Variants in DUSP16 observed in about 807,000 individuals in gnomAD.
DUSP16 encodes the protein dual specificity phosphatase 16.
Under a neutral mutation model 58.3 loss-of-function variants are expected in DUSP16, and 21 were observed. That is an observed-to-expected ratio of 0.36 (90% CI 0.26 to 0.52). DUSP16 has a LOEUF of 0.52. Ranked by LOEUF, DUSP16 falls within the 20% of genes least tolerant of loss-of-function variation. DUSP16 has a pLI of 0.94. For synonymous variants in DUSP16, 320 were observed against 323.8 expected, an observed-to-expected ratio of 0.99 and a Z score of 0.12; for missense variants, 726 against 819.0, an observed-to-expected ratio of 0.89 and a Z score of 1.39.
At chr12:12,555,053 T>C (rs889803629) in intron 1 of DUSP16, among the ~76,000 whole-genome samples, 4 of 152,138 alleles carry the variant, frequency 2.6e-5, no homozygotes, top group African/African-American at 7.2e-5. Flanking sequence ...ATAAACCCAC[T>C]ACAAAATAAG....
Position 12,561,461 on chromosome 12 carries a change from G to A in DUSP16, c.-366+656C>T, listed in dbSNP as rs573725945. 2.8e-4 allele frequency among the ~76,000 whole-genome samples: 42 copies of A among 152,304 alleles called. 1 individual carries two copies. The South Asian group carries it at 8.1e-3, about 29-fold the overall frequency. ...GGTGTTTCATTACATGAAACTACAC[G>A]TGATACACAGACCCTGGGCTTTTTT... is the stretch of plus-strand genomic sequence containing the variant. On this transcript the variant is annotated intron_variant, in intron 1 of 6. Transcript: ENST00000298573.
intron 3 of DUSP16, among the ~76,000 whole-genome samples, chr12:12,506,729 G>A (rs1035815574): frequency 3.3e-5 from 5 of 152,360 alleles, no homozygotes; most frequent in East Asian, 1.9e-4. Flanking sequence ...ACAGGGATGG[G>A]CAGTCCCTGC....
chr12:12,515,406 C>T (rs1433373571), intron 3 of DUSP16, among the ~76,000 whole-genome samples: 1 of 151,484 alleles, frequency 6.6e-6, no homozygotes, highest in East Asian at 1.9e-4. Context: ...TGGCTCACCG[C>T]AACCTCTACC....
At chr12:12,490,288 T>G (rs1943743350) in intron 4 of DUSP16, among the ~76,000 whole-genome samples, 1 of 152,202 alleles carries the variant, frequency 6.6e-6, no homozygotes, top group South Asian at 2.1e-4. Flanking sequence ...TTTATAAAAT[T>G]TTTAGCTTAA....
rs186075815 is a variant in DUSP16 at position 12,484,180 on chromosome 12, T to C, written c.691+2848A>G. On this transcript the variant is annotated intron_variant, in intron 5 of 6. Transcript: ENST00000298573. ...GAGAAGACTTAGCAATTGTAGTGAA[T>C]ATGGGCTGAATTCAAAAAGTGGCCT... is the stretch of plus-strand genomic sequence containing the variant. Among the ~76,000 whole-genome samples the C allele has an allele frequency of 4.1e-3, 628 of 152,028 alleles. 6 individuals carry two copies. Among genetic ancestry groups the C allele is most frequent in the African/African-American group, 0.014 (589 of 41,348 alleles).
chr12:12,524,736 A>G (rs1182053271), intron 1 of DUSP16, among the ~76,000 whole-genome samples: 1 of 152,176 alleles, frequency 6.6e-6, no homozygotes, highest in African/African-American at 2.4e-5. Context: ...CTATTTATCT[A>G]TTTATTTAGC....
In DUSP16 at chr12:12,562,837, T is replaced by C. The variant is rs928654891; in HGVS notation, c.-1086A>G. Among the ~76,000 whole-genome samples the C allele has an allele frequency of 6.6e-6, 1 of 151,652 alleles. No individual in the cohort carries two copies. On this transcript the variant is annotated 5_prime_UTR_variant, in exon 1 of 7. The change abolishes an upstream ATG in the 5' untranslated region. Transcript: ENST00000298573. ...GGCCGCTCGGGGAGGGGTCAGGTCA[T>C]GTTCCCTTCCAGAGTCCGGCGACTC...
chr12:12,488,359 T>C (rs1943713885), intron 4 of DUSP16, among the ~76,000 whole-genome samples: 2 of 152,244 alleles, frequency 1.3e-5, no homozygotes, highest in African/African-American at 2.4e-5. Context: ...ATTAAGCACC[T>C]ACCATAGTGT....
rs930436839 is a variant in DUSP16 at position 12,487,024 on chromosome 12, T to C, written c.691+4A>G. 6.2e-7 allele frequency: 1 copy of C among 1,613,702 alleles called. No individual in the cohort carries two copies. The highest frequency in any genetic ancestry group is 8.5e-7 in the Non-Finnish European group (1 of 1,179,784). Reference sequence around the variant, plus strand: ...GGACCTGCAATATTATTTGAGCTACTTACCAATGAAATCTACTGATTTGTC... The same window carrying C: ...GGACCTGCAATATTATTTGAGCTACCTACCAATGAAATCTACTGATTTGTC... On this transcript the variant is annotated splice_donor_region_variant and intron_variant, in intron 5 of 6. Coordinates refer to ENST00000298573, the MANE Select transcript of DUSP16 (RefSeq NM_030640.3).
At chr12:12,497,667 T>TG (rs1943847912) in intron 4 of DUSP16, among the ~76,000 whole-genome samples, 1 of 145,592 alleles carries the variant, frequency 6.9e-6, no homozygotes, top group Non-Finnish European at 1.5e-5. Flanking sequence ...GCACTTCATT[T>TG]AAAAAAAAAA....
chr12:12,491,147 T>G (rs1943755130), intron 4 of DUSP16: 1 of 142,646 alleles, frequency 7.0e-6, no homozygotes, highest in African/African-American at 2.5e-5. Flanking sequence ...GTTAGTTTGC[T>G]CTCTTGATTT....
chr12:12,542,417 C>T (rs553417368), intron 1 of DUSP16, among the ~76,000 whole-genome samples: 6 of 149,288 alleles, frequency 4.0e-5, no homozygotes, highest in African/African-American at 1.5e-4. Context: ...AAAGAAATAC[C>T]CAGAAAGGGC....
At chr12:12,553,161 T>C (rs550045445) in intron 1 of DUSP16, among the ~76,000 whole-genome samples, 53 of 152,308 alleles carry the variant, frequency 3.5e-4, no homozygotes, top group South Asian at 2.1e-3. Flanking sequence ...TGGACAGACA[T>C]AGTCTATATA....
chr12:12,550,535 C>T (rs1033498725), intron 1 of DUSP16, among the ~76,000 whole-genome samples: 6 of 152,162 alleles, frequency 3.9e-5, no homozygotes, highest in African/African-American at 1.2e-4. Flanking sequence ...AAAACATATA[C>T]TTGTATATTC....
chr12:12,530,739 T>C (rs1259590168), intron 1 of DUSP16, among the ~76,000 whole-genome samples: 1 of 152,146 alleles, frequency 6.6e-6, no homozygotes, highest in African/African-American at 2.4e-5. Flanking sequence ...TATTATACAT[T>C]TTTTCCAACC....
chr12:12,558,721 CA>C (rs769343185), intron 1 of DUSP16, among the ~76,000 whole-genome samples: 2 of 152,096 alleles, frequency 1.3e-5, no homozygotes, highest in African/African-American at 4.8e-5. Flanking sequence ...GACTTTGTGG[CA>C]ATACCTATAA....
At chr12:12,502,202 G>A (rs975425866) in intron 3 of DUSP16, among the ~76,000 whole-genome samples, 4 of 152,132 alleles carry the variant, frequency 2.6e-5, no homozygotes, top group Non-Finnish European at 4.4e-5. Flanking sequence ...GAAGTTGAGA[G>A]GGAATCATCT....
intron 1 of DUSP16, among the ~76,000 whole-genome samples, chr12:12,552,451 T>A (rs12819040): frequency 0.25 from 37,854 of 151,574 alleles, 5,215 homozygotes; most frequent in Non-Finnish European, 0.29. Context: ...CTCAAAAAAA[T>A]AAATAAATAA....
rs1944232215 is a variant in DUSP16, at chr12:12,521,253, CA to C, written c.-156del. On this transcript the variant is annotated 5_prime_UTR_variant, in exon 2 of 7. Transcript: ENST00000298573. ...AAAGGAGAGTTAAACCCATTTTCAG[CA>C]AGAGCCCTCCAAGTGAATGTCTCTT... 1.4e-6 allele frequency: 2 copies of C among 1,448,936 alleles called. No individual in the cohort carries two copies. The highest frequency in any genetic ancestry group is 2.9e-5 in the African/African-American group (2 of 70,174). 89.8% of individuals were successfully genotyped at this position (1,448,936 alleles called of 1,614,324 possible).
Sources: gnomAD v4.1 joint callset for allele counts (sites outside exome capture counted in the v4.1 genomes callset) on GRCh38, gnomAD v4.1.1 for gene constraint, MANE v1.5 for transcripts, NCBI Gene and HGNC (gene_info 2026-07-23, HGNC 2026-07-21) for gene names.